The following CAMTA1 variants were observed in gnomAD, a reference collection of about 807,000 sequenced individuals.
CAMTA1 encodes the protein calmodulin binding transcription activator 1.
In CAMTA1, 27 loss-of-function variants were observed where a neutral mutation model predicts 170.9. That is an observed-to-expected ratio of 0.16 (90% confidence interval 0.12 to 0.22). The LOEUF (loss-of-function observed/expected upper bound fraction) is 0.22, where lower values mean the gene tolerates loss of function less well. Among genes scored for constraint, CAMTA1 ranks in the 10% least tolerant of loss-of-function variants. The pLI, the probability that CAMTA1 is intolerant of heterozygous loss-of-function variation, is 1.00. For missense variants in CAMTA1, 1,619 were observed against 2,217.2 expected (o/e 0.73, Z 5.42); for synonymous variants, 833 against 891.5 (o/e 0.93, Z 1.17).
At chr1:7,024,051 A>G (rs1701731953) in intron 3 of CAMTA1, among the ~76,000 whole-genome samples, 1 of 150,514 alleles carries the variant, frequency 6.6e-6, no homozygotes, top group African/African-American at 2.5e-5. Context: ...AAAAAGAAAG[A>G]AAGAAAGAAA....
chr1:6,951,548 C>T lies in CAMTA1; in HGVS notation c.234+126338C>T, dbSNP rs149990121. ...GAGGGTTATAAGAAGCGTCTTTATC[C>T]CCCAGGACTATTGGGAAGAACAAAA... On this transcript the variant is annotated intron_variant, in intron 3 of 22. Transcript: ENST00000303635. Among the ~76,000 whole-genome samples, 1,261 of 152,252 alleles carry T rather than the reference C, an allele frequency of 8.3e-3. 64 individuals carry two copies. The highest frequency in any genetic ancestry group is 0.011 in the East Asian group (56 of 5,180).
chr1:7,175,089 T>C (rs907753471), intron 4 of CAMTA1, among the ~76,000 whole-genome samples: 11 of 152,160 alleles, frequency 7.2e-5, no homozygotes, highest in African/African-American at 2.4e-4. Flanking sequence ...TCTGCAGGTG[T>C]GTAGGACAGG....
chr1:7,664,877 T>G lies in CAMTA1; in HGVS notation c.2330T>G (p.Ile777Ser), dbSNP rs1355220161. 6.2e-7 allele frequency: 1 copy of G among 1,613,330 alleles called. No homozygotes were observed. Reference sequence around the variant, plus strand: ...TTCAGCAACCAGTTCTCCGACCTGATCAACGACTTCATCTCCGTGGAGGGG... The same window carrying G: ...TTCAGCAACCAGTTCTCCGACCTGAGCAACGACTTCATCTCCGTGGAGGGG... Reference protein sequence around the residue: ...ISFSNQFSDLINDFISVEGGS... With the variant: ...ISFSNQFSDLSNDFISVEGGS... The change falls in exon 9 of 23, where the codon ATC (isoleucine) becomes AGC (serine). Residue 777 changes from isoleucine (I) to serine (S), a missense_variant. By Grantham distance (142) the Ile-to-Ser change is moderately radical (BLOSUM62 -2). Transcript: ENST00000303635.
intron 3 of CAMTA1, among the ~76,000 whole-genome samples, chr1:7,072,354 C>T (rs930648867): frequency 7.9e-5 from 12 of 152,256 alleles, no homozygotes; most frequent in South Asian, 4.2e-4. Context: ...TCCGGAGGCA[C>T]GCATCCCAAA....
chr1:7,277,469 G>A (rs113295269), intron 5 of CAMTA1, among the ~76,000 whole-genome samples: 3 of 150,952 alleles, frequency 2.0e-5, no homozygotes, highest in Non-Finnish European at 4.4e-5. Context: ...GTGTGTGTGT[G>A]TGTGTGTGTG....
chr1:7,375,413 G>T (rs2086770640), intron 5 of CAMTA1, among the ~76,000 whole-genome samples: 1 of 152,156 alleles, frequency 6.6e-6, no homozygotes, highest in Non-Finnish European at 1.5e-5. Context: ...CACCAGGCAG[G>T]AGCAAAATCC....
intron 7 of CAMTA1, among the ~76,000 whole-genome samples, chr1:7,652,834 C>G (rs913610820): frequency 6.6e-6 from 1 of 152,158 alleles, no homozygotes; most frequent in Non-Finnish European, 1.5e-5. Flanking sequence ...AGCTGAAAGC[C>G]AGGCAGGTCG....
At chr1:6,980,184 C>G (rs61780910) in intron 3 of CAMTA1, among the ~76,000 whole-genome samples, 1 of 152,154 alleles carries the variant, frequency 6.6e-6, no homozygotes, top group Middle Eastern at 3.2e-3. Context: ...GCTGAAGTCT[C>G]GCCTGTTGGG....
chr1:7,708,981 A>T (rs918482850), intron 11 of CAMTA1, among the ~76,000 whole-genome samples: 2 of 151,942 alleles, frequency 1.3e-5, no homozygotes, highest in African/African-American at 2.4e-5. Context: ...GACTTTCACC[A>T]CCCCATACAT....
At chr1:7,284,131 T>C (rs957517205) in intron 5 of CAMTA1, among the ~76,000 whole-genome samples, 1 of 54,736 alleles carries the variant, frequency 1.8e-5, no homozygotes, top group Non-Finnish European at 3.7e-5. Flanking sequence ...CTGCTGTTCT[T>C]CTTCTTCTTC....
At chr1:6,804,101 T>C (rs1240667296) in intron 1 of CAMTA1, among the ~76,000 whole-genome samples, 2 of 151,928 alleles carry the variant, frequency 1.3e-5, no homozygotes, top group Non-Finnish European at 2.9e-5. Flanking sequence ...GGAGAATCAG[T>C]TGAACCCGGG....
In CAMTA1 at chr1:7,663,358, G is replaced by T. The variant is rs1284181513; in HGVS notation, c.811G>T (p.Gly271Cys). 6.6e-7 allele frequency: 1 copy of T among 1,525,534 alleles called. No homozygotes were observed. Among genetic ancestry groups the T allele is most frequent in the African/African-American group, 1.4e-5 (1 of 72,376 alleles). 94.5% of individuals were successfully genotyped at this position (1,525,534 alleles called of 1,614,324 possible). A position where few individuals can be genotyped will look rare whatever the true frequency, so the allele number is the denominator to read the frequency against. ...NCLCTGSLGA[G>C]GSVHHKCNSA... ...TTGTGTTCCGATCTCCGCAGGAGCT[G>T]GCGGCAGCGTGCATCACAAGTGTAA... The change falls in exon 9 of 23, where the codon GGC (glycine) becomes TGC (cysteine). Residue 271 changes from glycine (G) to cysteine (C), a missense_variant. By Grantham distance (159) the Gly-to-Cys change is radical. This residue lies in a region of CAMTA1 where 731 missense variants were observed against 907.6 expected (regional missense o/e 0.81). Coordinates refer to ENST00000303635, the MANE Select transcript of CAMTA1 (RefSeq NM_015215.4).
chr1:7,480,920 AC>A (rs1557784607), intron 6 of CAMTA1, among the ~76,000 whole-genome samples: 1 of 151,924 alleles, frequency 6.6e-6, no homozygotes, highest in African/African-American at 2.4e-5. Flanking sequence ...CCAACTTCTC[AC>A]GGCTAGAGCA....
At chr1:7,279,255 C>T (rs967005604) in intron 5 of CAMTA1, among the ~76,000 whole-genome samples, 3 of 152,158 alleles carry the variant, frequency 2.0e-5, no homozygotes, top group Non-Finnish European at 2.9e-5. Context: ...AAACATTGCC[C>T]ACGCTTCTGC....
chr1:7,536,245 A>G (rs1330952479), intron 6 of CAMTA1, among the ~76,000 whole-genome samples: 2 of 152,210 alleles, frequency 1.3e-5, no homozygotes, highest in Admixed American at 6.5e-5. Flanking sequence ...TGGCTCCCAG[A>G]GGGGCAGATA....
intron 6 of CAMTA1, among the ~76,000 whole-genome samples, chr1:7,477,956 C>A (rs180931780): frequency 1.3e-5 from 2 of 152,344 alleles, no homozygotes; most frequent in African/African-American, 4.8e-5. Context: ...GAATTCATCA[C>A]CACCCTTATG....
At chr1:7,636,142 C>T (rs775323573) in intron 6 of CAMTA1, among the ~76,000 whole-genome samples, 12 of 152,146 alleles carry the variant, frequency 7.9e-5, no homozygotes, top group Admixed American at 2.0e-4. Flanking sequence ...TGGAGGCTCC[C>T]GGGAAGGGAC....
At chr1:7,194,747 T>C (rs759649103) in intron 4 of CAMTA1, among the ~76,000 whole-genome samples, 1 of 152,148 alleles carries the variant, frequency 6.6e-6, no homozygotes, top group Non-Finnish European at 1.5e-5. Flanking sequence ...GAGAGGGCCG[T>C]GCAGTCCCCA....
intron 4 of CAMTA1, among the ~76,000 whole-genome samples, chr1:7,129,343 C>G (rs774178899): frequency 6.6e-6 from 1 of 152,154 alleles, no homozygotes; most frequent in Admixed American, 6.5e-5. Flanking sequence ...TGAGCCTTCC[C>G]GAGAAAGGTT....
Sources: gnomAD v4.1 joint callset for allele counts (sites outside exome capture counted in the v4.1 genomes callset) on GRCh38, gnomAD v4.1.1 for gene constraint, gnomAD v4.1.1 regional missense constraint, MANE v1.5 for transcripts, NCBI Gene and HGNC (gene_info 2026-07-23, HGNC 2026-07-21) for gene names.